The following TRIO variants were observed in gnomAD, a reference collection of about 807,000 sequenced individuals.
TRIO encodes trio Rho guanine nucleotide exchange factor.
A neutral mutation model predicts 351.9 loss-of-function variants in TRIO; 58 were observed. The observed-to-expected ratio is 0.16, with a 90% confidence interval of 0.13 to 0.21. The LOEUF (loss-of-function observed/expected upper bound fraction) is 0.21, where lower values mean the gene tolerates loss of function less well. Among genes scored for constraint, TRIO ranks in the 10% least tolerant of loss-of-function variants. The pLI is 1.00. For synonymous variants in TRIO, 1,758 were observed against 1,595.7 expected, an observed-to-expected ratio of 1.10 and a Z score of -2.42; for missense variants, 3,201 against 4,027.8, an observed-to-expected ratio of 0.79 and a Z score of 5.56.
rs562962697 is a variant in TRIO at position 14,182,968 on chromosome 5, T to C, written c.157+39086T>C. Among the ~76,000 whole-genome samples, 4 of 152,238 alleles carry C rather than the reference T, an allele frequency of 2.6e-5. No individual in the cohort carries two copies. In the South Asian group the frequency reaches 6.2e-4, roughly 24 times the overall value. ...GGCCTGGCTGTAGCGCATCATCCTT[T>C]GTGCTCCCTTTCCTCTGAGCTGGGC... On this transcript the variant is annotated intron_variant, in intron 1 of 56. Coordinates refer to ENST00000344204, the MANE Select transcript of TRIO (RefSeq NM_007118.4).
chr5:14,247,900 T>C (rs1422844756), intron 1 of TRIO, among the ~76,000 whole-genome samples: 7 of 152,036 alleles, frequency 4.6e-5, no homozygotes, highest in African/African-American at 1.7e-4. Flanking sequence ...ACCCCATCTC[T>C]ACTAAACATA....
At chr5:14,161,819 T>TA (rs1788475375) in intron 1 of TRIO, among the ~76,000 whole-genome samples, 1 of 152,202 alleles carries the variant, frequency 6.6e-6, no homozygotes, top group African/African-American at 2.4e-5. Context: ...CTTCACCTTG[T>TA]GGGCTCAGGC....
intron 2 of TRIO, among the ~76,000 whole-genome samples, chr5:14,278,087 A>G (rs770456116): frequency 9.2e-5 from 14 of 152,236 alleles, no homozygotes; most frequent in Non-Finnish European, 2.1e-4. Flanking sequence ...AGCTTTTCTT[A>G]GGACATGACT....
At chr5:14,259,841 T>G (rs1795241437) in intron 1 of TRIO, among the ~76,000 whole-genome samples, 2 of 152,172 alleles carry the variant, frequency 1.3e-5, no homozygotes, top group Admixed American at 1.3e-4. Flanking sequence ...ACGGGGGTTC[T>G]TAGACTGCTA....
At chr5:14,411,961 C>T (rs1749242492) in intron 33 of TRIO, among the ~76,000 whole-genome samples, 2 of 150,070 alleles carry the variant, frequency 1.3e-5, no homozygotes, top group South Asian at 4.3e-4. Context: ...ACATGAGGTT[C>T]TATGTGTTGT....
intron 11 of TRIO, among the ~76,000 whole-genome samples, chr5:14,341,619 G>A (rs1049855133): frequency 6.6e-6 from 1 of 152,220 alleles, no homozygotes; most frequent in Non-Finnish European, 1.5e-5. Context: ...TACAGCAAAA[G>A]CATAACTATT....
At chr5:14,153,668 C>T (rs1561140899) in intron 1 of TRIO, among the ~76,000 whole-genome samples, 2 of 152,094 alleles carry the variant, frequency 1.3e-5, no homozygotes, top group South Asian at 2.1e-4. Flanking sequence ...GTAGGGCAAG[C>T]GACCTGCTTG....
At chr5:14,328,803 A>G (rs191255866) in intron 9 of TRIO, among the ~76,000 whole-genome samples, 7 of 152,274 alleles carry the variant, frequency 4.6e-5, no homozygotes, top group African/African-American at 7.2e-5. Context: ...GCTAAATTCT[A>G]TGTCTCTGTA....
chr5:14,313,743 C>T (rs1297660192), intron 8 of TRIO, among the ~76,000 whole-genome samples: 2 of 152,194 alleles, frequency 1.3e-5, no homozygotes, highest in Non-Finnish European at 2.9e-5. Context: ...ACTGCTAAAG[C>T]TCCAGCTATC....
intron 1 of TRIO, among the ~76,000 whole-genome samples, chr5:14,194,772 A>G (rs1790669021): frequency 6.6e-6 from 1 of 152,280 alleles, no homozygotes; most frequent in Non-Finnish European, 1.5e-5. Context: ...ACACACATAT[A>G]TGCATACGTC....
rs539201269 is a variant in TRIO, at chr5:14,476,804, GAAAAAA to G, written c.6084-88_6084-83del. 1.0e-3 allele frequency: 1,049 copies of G among 1,046,948 alleles called. 8 individuals are homozygous for G. In the African/African-American group the frequency reaches 0.015, roughly 15 times the overall value. 64.9% of individuals were successfully genotyped at this position (1,046,948 alleles called of 1,614,324 possible). A position where few individuals can be genotyped will look rare whatever the true frequency, so the allele number is the denominator to read the frequency against. Reference sequence around the variant, plus strand: ...GTGACACTCTCTCAAAAAAAAAAAAGAAAAAAAGAAAAAGAAAAAATGTAAACCTAA... The same window carrying G: ...GTGACACTCTCTCAAAAAAAAAAAAGAGAAAAAGAAAAAATGTAAACCTAA... On this transcript the variant is annotated intron_variant, in intron 40 of 56. Transcript: ENST00000344204.
intron 33 of TRIO, among the ~76,000 whole-genome samples, chr5:14,410,801 T>C (rs1561458324): frequency 6.6e-6 from 1 of 152,104 alleles, no homozygotes; most frequent in Non-Finnish European, 1.5e-5. Context: ...ACGCCCTCTT[T>C]CCAGGGAGCA....
At chr5:14,479,144 T>G in intron 41 of TRIO, 117 bp from the exon 42 acceptor site, 1 of 815,902 alleles carries the variant, frequency 1.2e-6, no homozygotes, top group East Asian at 2.5e-5. Context: ...GCCTTAGCTG[T>G]GCAGCTTGGT....
intron 28 of TRIO, among the ~76,000 whole-genome samples, chr5:14,395,247 G>A (rs1381626966): frequency 1.3e-5 from 2 of 152,216 alleles, no homozygotes; most frequent in South Asian, 2.1e-4. Context: ...TCAAAATGCC[G>A]TTAAGTGATT....
At chr5:14,311,455 G>GA (rs1738925770) in intron 8 of TRIO, among the ~76,000 whole-genome samples, 1 of 152,194 alleles carries the variant, frequency 6.6e-6, no homozygotes, top group Non-Finnish European at 1.5e-5. Flanking sequence ...TGAAGCATGG[G>GA]AAAGTATCTG....
rs146737110 is a variant in TRIO, at chr5:14,510,020, T to C, written c.*1598T>C. The C allele has an allele frequency of 6.6e-6, 1 of 152,436 alleles. No homozygotes were observed. Among genetic ancestry groups the C allele is most frequent in the East Asian group, 1.9e-4 (1 of 5,192 alleles). 9.4% of individuals were successfully genotyped at this position (152,436 alleles called of 1,614,324 possible). ...AAAAGAAATTGGATTCGAAACTGGA[T>C]GTGTATTCGTAACCTCATAATTTTT... On this transcript the variant is annotated 3_prime_UTR_variant, in exon 57 of 57. Coordinates refer to ENST00000344204, the MANE Select transcript of TRIO (RefSeq NM_007118.4).
intron 3 of TRIO, among the ~76,000 whole-genome samples, chr5:14,285,764 C>T (rs938300002): frequency 2.0e-5 from 3 of 151,990 alleles, no homozygotes; most frequent in African/African-American, 4.8e-5. Flanking sequence ...ACCACATATG[C>T]GTATTGAGTA....
intron 35 of TRIO, among the ~76,000 whole-genome samples, chr5:14,462,505 T>A (rs1020721888): frequency 1.3e-5 from 2 of 152,190 alleles, no homozygotes; most frequent in Non-Finnish European, 1.5e-5. Flanking sequence ...GTTCAGAGCC[T>A]AACAGATCAC....
chr5:14,349,996 A>G (rs987678225), intron 11 of TRIO, among the ~76,000 whole-genome samples: 1 of 152,142 alleles, frequency 6.6e-6, no homozygotes, highest in African/African-American at 2.4e-5. Context: ...CTGTTCATGC[A>G]TTAGTTTGCT....
Sources: allele counts gnomAD v4.1 joint callset (sites outside exome capture counted in the v4.1 genomes callset), GRCh38; gene constraint gnomAD v4.1.1; transcripts MANE v1.5; gene names NCBI Gene and HGNC (gene_info 2026-07-23, HGNC 2026-07-21).